The following TMEM47 variants were observed in gnomAD, a reference collection of about 807,000 sequenced individuals.
TMEM47 encodes the protein transmembrane protein 47.
A neutral mutation model predicts 12.4 loss-of-function variants in TMEM47; 3 were observed. The ratio of observed to expected loss-of-function variants is 0.24; its 90% CI spans 0.11 to 0.63. The LOEUF is 0.63. Ranked by LOEUF, TMEM47 falls within the 20% of genes least tolerant of loss-of-function variation. The pLI is 0.86. For synonymous variants in TMEM47, 62 were observed against 63.3 expected, an observed-to-expected ratio of 0.98 and a Z score of 0.10; for missense variants, 89 against 143.8, an observed-to-expected ratio of 0.62 and a Z score of 1.95.
At chrX:34,652,767 C>G (rs1412264096) in intron 1 of TMEM47, among the ~76,000 whole-genome samples, 1 of 111,870 alleles carries the variant, frequency 8.9e-6, no homozygotes, top group Non-Finnish European at 1.9e-5. Flanking sequence ...CTCTCTGGTA[C>G]TCTTAACTGT....
chrX:34,650,455 A>T (rs1487597007), intron 1 of TMEM47, among the ~76,000 whole-genome samples: 1 of 112,235 alleles, frequency 8.9e-6, no homozygotes, highest in African/African-American at 3.2e-5. Context: ...AGACTGGATT[A>T]TGTTAAAAAT....
intron 1 of TMEM47, 107 bp from the exon 2 acceptor site, chrX:34,639,494 T>C (rs1921776483): frequency 1.3e-6 from 1 of 786,368 alleles, no homozygotes; most frequent in East Asian, 3.5e-5. Context: ...GTGATTTTAC[T>C]GCATGCTAAG....
chrX:34,649,494 A>G (rs1428774385), intron 1 of TMEM47, among the ~76,000 whole-genome samples: 2 of 110,971 alleles, frequency 1.8e-5, no homozygotes, highest in Non-Finnish European at 3.8e-5. Flanking sequence ...TGGGAGCTAA[A>G]TCATGAGAAC....
rs1447856205 is a variant in TMEM47, at chrX:34,651,498, G to A, written c.226+5306C>T. 3.6e-5 allele frequency among the ~76,000 whole-genome samples: 4 copies of A among 112,019 alleles called. No individual in the cohort carries two copies. In the East Asian group the frequency reaches 1.1e-3, roughly 32 times the overall value. On this transcript the variant is annotated intron_variant, in intron 1 of 2. Transcript: ENST00000275954. Reference sequence around the variant, plus strand: ...CAAGTTATCTTCCACAAGGGCTCCAGACATCCATCCTCATTATGTCCTATC... The same window carrying A: ...CAAGTTATCTTCCACAAGGGCTCCAAACATCCATCCTCATTATGTCCTATC...
intron 2 of TMEM47, 79 bp downstream of exon 2, chrX:34,639,168 C>G (rs1260226639): frequency 1.9e-6 from 2 of 1,061,563 alleles, no homozygotes; most frequent in African/African-American, 3.8e-5. Flanking sequence ...AAACACATAC[C>G]TCTTCTGCAT....
Position 34,639,341 on chromosome X carries a change from G to T in TMEM47, c.273C>A (p.Ile91=), listed in dbSNP as rs778799592. ...TLALLLGGAA[I]ILIAFLVGLI... ...AACCCACCAGGAATGCAATGAGAAT[G>T]ATGGCAGCGCCGCCCAGGAGTAAAG... The change falls in exon 2 of 3, where the codon ATC becomes ATA. Residue 91 remains isoleucine (I), a synonymous_variant. Transcript: ENST00000275954. 8.3e-7 allele frequency: 1 copy of T among 1,208,745 alleles called. No homozygotes were observed. The highest frequency in any genetic ancestry group is 1.8e-5 in the South Asian group (1 of 56,430).
intron 1 of TMEM47, among the ~76,000 whole-genome samples, chrX:34,651,710 G>T (rs1922021231): frequency 9.0e-6 from 1 of 111,691 alleles, no homozygotes; most frequent in South Asian, 3.7e-4. Flanking sequence ...TAATATATAG[G>T]GATAACTTTA....
chrX:34,642,500 C>T (rs1270877933), intron 1 of TMEM47, among the ~76,000 whole-genome samples: 3 of 111,540 alleles, frequency 2.7e-5, no homozygotes, highest in Non-Finnish European at 3.8e-5. Flanking sequence ...GGGACTAGAA[C>T]CTAATTAGAA....
Position 34,629,026 on chromosome X carries a change from G to T in TMEM47, c.*1287C>A, listed in dbSNP as rs1465251757. 1 of 111,388 alleles carries T rather than the reference G, an allele frequency of 9.0e-6. No individual in the cohort carries two copies. Among genetic ancestry groups the T allele is most frequent in the Non-Finnish European group, 1.9e-5 (1 of 52,980 alleles). The allele number at this position is 111,388 out of a possible 1,213,427, so 9.2% of individuals were successfully genotyped here. A position where few individuals can be genotyped will look rare whatever the true frequency, so the allele number is the denominator to read the frequency against. ...CCATCAGTTAACTTCAGAGGACCAG[G>T]TGATAACCAGATGAATTCTACTCCT... On this transcript the variant is annotated 3_prime_UTR_variant, in exon 3 of 3. Coordinates refer to ENST00000275954, the MANE Select transcript of TMEM47 (RefSeq NM_031442.4).
chrX:34,636,868 T>G (rs1921725938), intron 2 of TMEM47, among the ~76,000 whole-genome samples: 1 of 111,506 alleles, frequency 9.0e-6, no homozygotes, highest in Non-Finnish European at 1.9e-5. Flanking sequence ...TCAAGGCTGA[T>G]TCTGCACTGA....
chrX:34,654,410 C>G (rs1285322286), intron 1 of TMEM47, among the ~76,000 whole-genome samples: 1 of 111,678 alleles, frequency 9.0e-6, no homozygotes, highest in Non-Finnish European at 1.9e-5. Flanking sequence ...GTGGATCTCT[C>G]AAAATCTTCA....
chrX:34,657,222 G>T lies in TMEM47; in HGVS notation c.-193C>A. ...GGAGGCGGCCGGCCGGGTGTGGGTCGTCGGCAGCCGCAGCGACGTCGATTC... is the reference window on the plus strand; with the variant it reads ...GGAGGCGGCCGGCCGGGTGTGGGTCTTCGGCAGCCGCAGCGACGTCGATTC... On this transcript the variant is annotated 5_prime_UTR_variant, in exon 1 of 3. Transcript: ENST00000275954. The T allele has an allele frequency of 1.7e-6, 1 of 593,738 alleles. No homozygotes were observed. The highest frequency in any genetic ancestry group is 2.2e-6 in the Non-Finnish European group (1 of 449,072). The allele number at this position is 593,738 out of a possible 1,213,427, so 48.9% of individuals were successfully genotyped here.
intron 1 of TMEM47, among the ~76,000 whole-genome samples, chrX:34,641,120 C>T (rs1274121348): frequency 9.3e-6 from 1 of 107,764 alleles, no homozygotes; most frequent in Non-Finnish European, 1.9e-5. Flanking sequence ...ATAGTCCTTA[C>T]ATTTGAAGTC....
At position 34,656,907 on chromosome X, in the gene TMEM47, C is replaced by A; in HGVS notation, c.123G>T (p.Pro41=). The change falls in exon 1 of 3, where the codon CCG becomes CCT. Residue 41 remains proline (P), a synonymous_variant. Transcript: ENST00000275954. ...ACTGGTGGTCAGCTGTGACCCAGGC[C>A]GGGCTCAGCACCGCCCCCAGGTCCA... The part of the protein sequence containing the change: ...LCLDLGAVLS[P]AWVTADHQYY... 1 of 1,180,937 alleles carries A rather than the reference C, an allele frequency of 8.5e-7. No homozygotes were observed. The highest frequency in any genetic ancestry group is 1.1e-6 in the Non-Finnish European group (1 of 880,184).
At chrX:34,649,871 G>A (rs1488797324) in intron 1 of TMEM47, among the ~76,000 whole-genome samples, 1 of 110,707 alleles carries the variant, frequency 9.0e-6, no homozygotes, top group African/African-American at 3.3e-5. Context: ...GACTACAGGA[G>A]CCCGCAACCA....
chrX:34,647,192 G>A (rs770599561), intron 1 of TMEM47, among the ~76,000 whole-genome samples: 2 of 111,578 alleles, frequency 1.8e-5, no homozygotes, highest in Non-Finnish European at 3.8e-5. Context: ...TTCATTCACA[G>A]AGCATCATGA....
intron 2 of TMEM47, among the ~76,000 whole-genome samples, chrX:34,632,841 C>T: frequency 9.0e-6 from 1 of 111,666 alleles, no homozygotes; most frequent in Admixed American, 9.5e-5. Flanking sequence ...TGGCTCTTTG[C>T]CTTTGTGAGG....
intron 1 of TMEM47, among the ~76,000 whole-genome samples, chrX:34,647,916 G>A (rs1308194412): frequency 9.0e-6 from 1 of 111,612 alleles, no homozygotes; most frequent in Non-Finnish European, 1.9e-5. Context: ...GCCAAGCTGA[G>A]AGCCAAATCA....
intron 1 of TMEM47, among the ~76,000 whole-genome samples, chrX:34,641,951 G>A (rs941163350): frequency 8.9e-6 from 1 of 112,307 alleles, no homozygotes; most frequent in African/African-American, 3.2e-5. Flanking sequence ...CCGTCTCCCG[G>A]GTTCAAGTGA....
Sources: gnomAD v4.1 joint callset for allele counts (sites outside exome capture counted in the v4.1 genomes callset) on GRCh38, gnomAD v4.1.1 for gene constraint, MANE v1.5 for transcripts, NCBI Gene and HGNC (gene_info 2026-07-23, HGNC 2026-07-21) for gene names.